LHFPL3: variants seen among roughly 807,000 people sequenced by gnomAD.
LHFPL3 encodes the protein LHFPL tetraspan subfamily member 3, also known as LHFPL tetraspan subfamily member 3 protein.
A neutral mutation model predicts 19.3 loss-of-function variants in LHFPL3; 5 were observed. That is an observed-to-expected ratio of 0.26 (90% CI 0.14 to 0.54). LHFPL3 has a LOEUF of 0.54. Among genes scored for constraint, LHFPL3 ranks in the 20% least tolerant of loss-of-function variants. The probability of loss-of-function intolerance (pLI) is 0.94; values close to 1 mark genes in which losing one functional copy is unlikely to be tolerated. For missense variants in LHFPL3, 249 were observed against 307.4 expected (o/e 0.81, Z 1.42); for synonymous variants, 133 against 126.2 (o/e 1.05, Z -0.36).
At chr7:104,802,491 C>CAAA (rs920866759) in intron 2 of LHFPL3, among the ~76,000 whole-genome samples, 104 of 65,428 alleles carry the variant, frequency 1.6e-3, no homozygotes, top group Non-Finnish European at 2.3e-3. Context: ...AACCCTATCT[C>CAAA]AAAAAAAAAA....
chr7:104,818,815 G>A (rs567666910), intron 2 of LHFPL3, among the ~76,000 whole-genome samples: 1 of 149,824 alleles, frequency 6.7e-6, no homozygotes, highest in East Asian at 2.0e-4. Flanking sequence ...TCACTCAAAT[G>A]CTAAAATTAA....
chr7:104,900,414 A>G (rs1792459584), intron 2 of LHFPL3, among the ~76,000 whole-genome samples: 2 of 152,362 alleles, frequency 1.3e-5, no homozygotes, highest in Middle Eastern at 3.4e-3. Flanking sequence ...GCCTTGTGTC[A>G]AAGTCTCATT....
chr7:104,839,454 G>A (rs1345972340), intron 2 of LHFPL3, among the ~76,000 whole-genome samples: 1 of 152,124 alleles, frequency 6.6e-6, no homozygotes, highest in East Asian at 1.9e-4. Flanking sequence ...ATCACTTGAG[G>A]TCAGGAGTTC....
chr7:104,901,534 C>G (rs951701271), intron 2 of LHFPL3, among the ~76,000 whole-genome samples: 1 of 150,972 alleles, frequency 6.6e-6, no homozygotes, highest in Non-Finnish European at 1.5e-5. Flanking sequence ...GTGAGGCAAG[C>G]TAGGTACCTA....
At chr7:104,564,750 A>G (rs1790086092) in intron 1 of LHFPL3, among the ~76,000 whole-genome samples, 1 of 152,120 alleles carries the variant, frequency 6.6e-6, no homozygotes, top group African/African-American at 2.4e-5. Context: ...CCTTTAGATA[A>G]CAGACCACTG....
At chr7:104,892,030 G>GTGT (rs1554356329) in intron 2 of LHFPL3, among the ~76,000 whole-genome samples, 1 of 152,230 alleles carries the variant, frequency 6.6e-6, no homozygotes, top group Non-Finnish European at 1.5e-5. Context: ...CCTTATGAAA[G>GTGT]TGTTCTTCTT....
intron 1 of LHFPL3, among the ~76,000 whole-genome samples, chr7:104,378,277 T>C (rs1028179567): frequency 1.3e-5 from 2 of 152,168 alleles, no homozygotes; most frequent in Admixed American, 1.3e-4. Flanking sequence ...TAGAGATGAG[T>C]TTGCTTTTTC....
chr7:104,726,055 CAAA>C (rs56697785), intron 1 of LHFPL3, among the ~76,000 whole-genome samples: 6 of 75,078 alleles, frequency 8.0e-5, no homozygotes, highest in East Asian at 4.8e-4. Flanking sequence ...CCATCTCAGG[CAAA>C]AAAAAAAAAA....
chr7:104,774,370 T>C (rs577801651), intron 2 of LHFPL3, among the ~76,000 whole-genome samples: 3 of 152,366 alleles, frequency 2.0e-5, no homozygotes, highest in African/African-American at 4.8e-5. Flanking sequence ...ATACTGCTAG[T>C]ATCCTCACCT....
chr7:104,702,470 C>T (rs1260204688), intron 1 of LHFPL3, among the ~76,000 whole-genome samples: 1 of 152,052 alleles, frequency 6.6e-6, no homozygotes, highest in Non-Finnish European at 1.5e-5. Context: ...TCATGGTGAA[C>T]CCTGCATATG....
In LHFPL3 at chr7:104,496,407, C is replaced by G. The variant is rs62485112; in HGVS notation, c.445+167183C>G. On this transcript the variant is annotated intron_variant, in intron 1 of 2. Coordinates refer to ENST00000424859, the MANE Select transcript of LHFPL3 (RefSeq NM_199000.3). ...GGGTTGGTTCCAAGTCTTTGCTATT[C>G]TGAATAGTGCTGCAATAAACATACG... Among the ~76,000 whole-genome samples, 611 of 152,152 alleles carry G rather than the reference C, an allele frequency of 4.0e-3. 3 individuals are homozygous for G. The highest frequency in any genetic ancestry group is 6.4e-3 in the Admixed American group (97 of 15,268).
intron 1 of LHFPL3, among the ~76,000 whole-genome samples, chr7:104,610,275 G>A (rs573112688): frequency 1.8e-4 from 28 of 151,988 alleles, no homozygotes; most frequent in African/African-American, 6.0e-4. Context: ...CTAAAGCAAG[G>A]CCAACCCTTC....
At chr7:104,534,971 T>C (rs568050727) in intron 1 of LHFPL3, among the ~76,000 whole-genome samples, 43 of 152,292 alleles carry the variant, frequency 2.8e-4, no homozygotes, top group African/African-American at 9.4e-4. Context: ...TCTACCATGA[T>C]TGACACAGAA....
intron 1 of LHFPL3, among the ~76,000 whole-genome samples, chr7:104,577,691 C>T (rs910163007): frequency 1.7e-4 from 26 of 152,068 alleles, no homozygotes; most frequent in Admixed American, 1.6e-3. Flanking sequence ...ATAAACTATG[C>T]CTTCTATAAA....
chr7:104,509,937 T>A (rs1436260028), intron 1 of LHFPL3, among the ~76,000 whole-genome samples: 4 of 152,120 alleles, frequency 2.6e-5, no homozygotes, highest in Non-Finnish European at 4.4e-5. Context: ...GTATTTTACA[T>A]ATTAACAATC....
At chr7:104,647,313 C>G (rs1791952141) in intron 1 of LHFPL3, among the ~76,000 whole-genome samples, 1 of 152,190 alleles carries the variant, frequency 6.6e-6, no homozygotes, top group African/African-American at 2.4e-5. Flanking sequence ...CAGGCCTACA[C>G]ATCTCCAACT....
chr7:104,376,719 C>A (rs1018923568), intron 1 of LHFPL3, among the ~76,000 whole-genome samples: 1 of 152,102 alleles, frequency 6.6e-6, no homozygotes, highest in African/African-American at 2.4e-5. Flanking sequence ...ACGGGCCAGG[C>A]TCTATTACTC....
chr7:104,859,616 C>A (rs975368494), intron 2 of LHFPL3, among the ~76,000 whole-genome samples: 7 of 152,104 alleles, frequency 4.6e-5, no homozygotes, highest in Admixed American at 2.6e-4. Context: ...TTTCGGTGAG[C>A]TGAGATCATA....
chr7:104,385,572 T>G (rs929415664), intron 1 of LHFPL3, among the ~76,000 whole-genome samples: 1 of 152,194 alleles, frequency 6.6e-6, no homozygotes, highest in African/African-American at 2.4e-5. Context: ...AATCTGTCTC[T>G]CTTGGTGACA....
Sources: gnomAD v4.1 joint callset for allele counts (sites outside exome capture counted in the v4.1 genomes callset) on GRCh38, gnomAD v4.1.1 for gene constraint, MANE v1.5 for transcripts, NCBI Gene and HGNC (gene_info 2026-07-23, HGNC 2026-07-21) for gene names.